KLHL14: variants seen among roughly 807,000 people sequenced by gnomAD.
KLHL14 encodes the protein kelch like family member 14.
KLHL14 carries 22 observed loss-of-function variants against 64.3 expected under a neutral mutation model. That is an observed-to-expected ratio of 0.34 (90% CI 0.24 to 0.49). The LOEUF (loss-of-function observed/expected upper bound fraction) is 0.49, where lower values mean the gene tolerates loss of function less well. KLHL14 is among the 20% of genes least tolerant of loss of function. The probability of loss-of-function intolerance (pLI) is 0.99; values close to 1 mark genes in which losing one functional copy is unlikely to be tolerated. For synonymous variants in KLHL14, 322 were observed against 333.4 expected, an observed-to-expected ratio of 0.97 and a Z score of 0.37; for missense variants, 661 against 789.0, an observed-to-expected ratio of 0.84 and a Z score of 1.94.
rs1182005654 is a variant in KLHL14, at chr18:32,672,924, T to A, written c.*1733A>T. On this transcript the variant is annotated 3_prime_UTR_variant, in exon 9 of 9. Transcript: ENST00000359358. ...AAAGGTTCTTGTACAAATTGTGACT[T>A]TTGGAAGAAACAGTGACAGTTGACA... The A allele has an allele frequency of 6.6e-6, 1 of 152,608 alleles. No homozygotes were observed. Among genetic ancestry groups the A allele is most frequent in the Non-Finnish European group, 1.5e-5 (1 of 68,016 alleles). The allele number at this position is 152,608 out of a possible 1,614,324, so 9.5% of individuals were successfully genotyped here.
At position 32,680,246 on chromosome 18, in the gene KLHL14, A is replaced by T; in HGVS notation, c.1511T>A (p.Met504Lys). 1 of 1,613,866 alleles carries T rather than the reference A, an allele frequency of 6.2e-7. No homozygotes were observed. Among genetic ancestry groups the T allele is most frequent in the Non-Finnish European group, 8.5e-7 (1 of 1,179,834 alleles). Residue 504 changes from methionine (M) to lysine (K), a missense_variant, in exon 7 of 9, where the codon ATG (methionine) becomes AAG (lysine). By Grantham distance (95) the Met-to-Lys change is moderately conservative. Around this residue, in one of 2 missense-constraint regions of KLHL14, gnomAD observed 330 missense variants for 450.0 expected, o/e 0.73. Coordinates refer to ENST00000359358, the MANE Select transcript of KLHL14 (RefSeq NM_020805.3). This position sits in a 1 kb window ranked among gnomAD's most constrained non-coding sequence, Gnocchi z 4.8. The stretch of plus-strand genomic sequence containing the variant: ...AGTGTGAATTGCACGTTTTGTGTTC[A>T]TATCTTGTTTTCGAGCCCAGACATC... The part of the protein sequence containing the change: ...VMDVWARKQD[M>K]NTKRAIHTLA...
chr18:32,692,615 A>G (rs1357983092), intron 4 of KLHL14, among the ~76,000 whole-genome samples: 1 of 152,222 alleles, frequency 6.6e-6, no homozygotes, highest in African/African-American at 2.4e-5. Flanking sequence ...GCCACTATCC[A>G]TGTGATCAAA....
chr18:32,750,283 T>C (rs139984053), intron 2 of KLHL14, among the ~76,000 whole-genome samples: 249 of 152,308 alleles, frequency 1.6e-3, no homozygotes, highest in African/African-American at 5.5e-3. Flanking sequence ...TTCATAGCAA[T>C]TTCTTTACCA....
intron 2 of KLHL14, among the ~76,000 whole-genome samples, chr18:32,751,846 G>C (rs1390780102): frequency 6.6e-6 from 1 of 152,236 alleles, no homozygotes; most frequent in Non-Finnish European, 1.5e-5. Flanking sequence ...AAGGAATAGA[G>C]TCCAACGTAG....
intron 2 of KLHL14, among the ~76,000 whole-genome samples, chr18:32,767,736 A>G (rs889371981): frequency 2.6e-5 from 4 of 152,220 alleles, no homozygotes; most frequent in African/African-American, 9.6e-5. Context: ...ACCTTAGGAC[A>G]TACCTGTTAG....
At chr18:32,689,184 C>T (rs2049894978) in intron 4 of KLHL14, among the ~76,000 whole-genome samples, 1 of 152,094 alleles carries the variant, frequency 6.6e-6, no homozygotes, top group South Asian at 2.1e-4. Flanking sequence ...GTCTGGTAGG[C>T]CACTGGCTAA....
In KLHL14 at chr18:32,731,513, G is replaced by A. The variant is rs9807427; in HGVS notation, c.1069+10415C>T. Among the ~76,000 whole-genome samples the A allele has an allele frequency of 5.2e-3, 799 of 152,230 alleles. 6 individuals are homozygous for A. The highest frequency in any genetic ancestry group is 0.018 in the African/African-American group (756 of 41,536). On this transcript the variant is annotated intron_variant, in intron 3 of 8. Coordinates refer to ENST00000359358, the MANE Select transcript of KLHL14 (RefSeq NM_020805.3). ...GGGGAGGGTGGGAGGAGGGAGAGGAGCAGAAAAGATAGCTATTGGGTACTG... is the reference window on the plus strand; with the variant it reads ...GGGGAGGGTGGGAGGAGGGAGAGGAACAGAAAAGATAGCTATTGGGTACTG...
chr18:32,702,419 A>G (rs2049970699), intron 3 of KLHL14, among the ~76,000 whole-genome samples: 1 of 151,316 alleles, frequency 6.6e-6, no homozygotes. Context: ...AAAATTTGCT[A>G]GTTAGTTTAA....
At chr18:32,772,306 C>A in intron 1 of KLHL14, 1 of 336,564 alleles carries the variant, frequency 3.0e-6, no homozygotes. Flanking sequence ...TACCCTCCCT[C>A]GCGCTCCCTC....
chr18:32,772,761 G>A lies in KLHL14; in HGVS notation c.-138C>T, dbSNP rs1209861512. 1 of 152,712 alleles carries A rather than the reference G, an allele frequency of 6.5e-6. No individual in the cohort carries two copies. The highest frequency in any genetic ancestry group is 1.5e-5 in the Non-Finnish European group (1 of 68,464). The allele number at this position is 152,712 out of a possible 1,614,324, so 9.5% of individuals were successfully genotyped here. A position where few individuals can be genotyped will look rare whatever the true frequency, so the allele number is the denominator to read the frequency against. ...TAAAGGTTTGCTGTCTCCTTGGGAG[G>A]GGGAAAACACCTTCTGGTTCCCAAC... On this transcript the variant is annotated 5_prime_UTR_variant, in exon 1 of 9. Coordinates refer to ENST00000359358, the MANE Select transcript of KLHL14 (RefSeq NM_020805.3).
intron 2 of KLHL14, among the ~76,000 whole-genome samples, chr18:32,766,316 T>C (rs1440991093): frequency 6.6e-6 from 1 of 152,116 alleles, no homozygotes; most frequent in Non-Finnish European, 1.5e-5. Context: ...TTACTTAAGC[T>C]AAATTTAGAC....
chr18:32,681,528 T>C (rs1167994336), intron 5 of KLHL14, among the ~76,000 whole-genome samples: 1 of 152,156 alleles, frequency 6.6e-6, no homozygotes, highest in African/African-American at 2.4e-5. Flanking sequence ...GATGATTAGT[T>C]TGAAACTTGA....
intron 3 of KLHL14, among the ~76,000 whole-genome samples, chr18:32,719,081 T>C (rs2050061588): frequency 6.6e-6 from 1 of 152,228 alleles, no homozygotes; most frequent in South Asian, 2.1e-4. Flanking sequence ...CCCGAGTAGC[T>C]GGGATTGCAG....
intron 3 of KLHL14, among the ~76,000 whole-genome samples, chr18:32,710,199 C>A (rs1387528673): frequency 6.6e-6 from 1 of 152,146 alleles, no homozygotes; most frequent in Non-Finnish European, 1.5e-5. Flanking sequence ...TTCGTTGTCC[C>A]CTTTCTCTAG....
intron 3 of KLHL14, among the ~76,000 whole-genome samples, chr18:32,711,862 T>G (rs2050021045): frequency 6.6e-6 from 1 of 152,208 alleles, no homozygotes; most frequent in Non-Finnish European, 1.5e-5. Flanking sequence ...AACCAAATCT[T>G]GTCTATATTC....
chr18:32,730,854 T>G (rs1396121891), intron 3 of KLHL14, among the ~76,000 whole-genome samples: 1 of 152,128 alleles, frequency 6.6e-6, no homozygotes, highest in African/African-American at 2.4e-5. Context: ...AAAAATAAAT[T>G]AAGACTTAAT....
At chr18:32,707,371 T>A (rs2049995652) in intron 3 of KLHL14, among the ~76,000 whole-genome samples, 2 of 152,336 alleles carry the variant, frequency 1.3e-5, no homozygotes, top group Non-Finnish European at 1.5e-5. Context: ...CTCACTCTCA[T>A]GTTAACACAG....
chr18:32,681,061 T>A (rs1301090118), intron 5 of KLHL14, among the ~76,000 whole-genome samples: 1 of 152,078 alleles, frequency 6.6e-6, no homozygotes, highest in Non-Finnish European at 1.5e-5. Flanking sequence ...TCATCAAAAA[T>A]TTTCTTCAAT....
At chr18:32,694,623 T>C (rs969572262) in intron 4 of KLHL14, among the ~76,000 whole-genome samples, 1 of 152,218 alleles carries the variant, frequency 6.6e-6, no homozygotes, top group African/African-American at 2.4e-5. Context: ...TTCTATAATT[T>C]GCCTTGGTGC....
Sources: allele counts gnomAD v4.1 joint callset (sites outside exome capture counted in the v4.1 genomes callset), GRCh38; gene constraint gnomAD v4.1.1; regional missense constraint gnomAD v4.1.1; non-coding constraint Gnocchi (gnomAD v3.1); transcripts MANE v1.5; gene names NCBI Gene and HGNC (gene_info 2026-07-23, HGNC 2026-07-21).